The following MCM9 variants were observed in gnomAD, a reference collection of about 807,000 sequenced individuals.
MCM9 encodes minichromosome maintenance 9 homologous recombination repair factor, also known as DNA helicase MCM9.
In MCM9, 55 loss-of-function variants were observed where a neutral mutation model predicts 72.8. The observed-to-expected ratio is 0.76, with a 90% CI of 0.61 to 0.95. The LOEUF (loss-of-function observed/expected upper bound fraction) is 0.95. MCM9 is among the 40% of genes least tolerant of loss of function. The probability of loss-of-function intolerance (pLI) is 0.00; values close to 1 mark genes in which losing one functional copy is unlikely to be tolerated. For synonymous variants in MCM9, 480 were observed against 503.4 expected (o/e 0.95, Z 0.62); for missense variants, 1,279 against 1,377.0 (o/e 0.93, Z 1.13).
intron 5 of MCM9, 84 bp downstream of exon 5, chr6:118,921,921 T>G: frequency 1.0e-6 from 1 of 997,820 alleles, no homozygotes; most frequent in Non-Finnish European, 1.5e-6. Flanking sequence ...TTGCCAGTGA[T>G]CTTGGGAAAA....
At chr6:118,917,136 A>T (rs1781028141) in intron 6 of MCM9, among the ~76,000 whole-genome samples, 1 of 152,156 alleles carries the variant, frequency 6.6e-6, no homozygotes, top group East Asian at 1.9e-4. Context: ...TCTTTTTCCT[A>T]GTTATTCCCT....
intron 8 of MCM9, chr6:118,901,171 C>A: frequency 4.4e-6 from 1 of 227,554 alleles, no homozygotes. Context: ...GAATTTGGGG[C>A]TCTTCCTGTG....
rs1419125499 is a variant in MCM9, at chr6:118,910,070, T to C, written c.1150+1580A>G. On this transcript the variant is annotated intron_variant, in intron 8 of 13. Coordinates refer to ENST00000619706, the MANE Select transcript of MCM9 (RefSeq NM_017696.3). ...AAGCAGAGGTTGCAGTGAGCTGAGA[T>C]TGCATCACTGCACTCCAGCCTGGGC... 5.4e-5 allele frequency among the ~76,000 whole-genome samples: 8 copies of C among 147,710 alleles called. No individual in the cohort carries two copies. In the South Asian group the frequency reaches 6.4e-4, roughly 12 times the overall value.
At chr6:118,838,437 G>T (rs998485380) in intron 9 of MCM9, among the ~76,000 whole-genome samples, 1 of 151,798 alleles carries the variant, frequency 6.6e-6, no homozygotes, top group Non-Finnish European at 1.5e-5. Flanking sequence ...GGGACTACAG[G>T]CACCTGCCAC....
chr6:118,894,279 A>C, intron 8 of MCM9: 1 of 1,464,462 alleles, frequency 6.8e-7, no homozygotes, highest in Non-Finnish European at 9.0e-7. Flanking sequence ...AGAGGAAAAA[A>C]GTTTCTCAAG....
chr6:118,843,809 T>C (rs1775675231), intron 9 of MCM9, among the ~76,000 whole-genome samples: 1 of 148,336 alleles, frequency 6.7e-6, no homozygotes. Context: ...TAAAGGGAAA[T>C]GATAATTCAA....
intron 8 of MCM9, among the ~76,000 whole-genome samples, chr6:118,875,581 A>C (rs1044447117): frequency 1.1e-4 from 17 of 152,026 alleles, no homozygotes; most frequent in Admixed American, 3.3e-4. Flanking sequence ...GGCTGCAGTG[A>C]GCCATGTTCA....
chr6:118,890,191 C>T (rs539821694), intron 8 of MCM9, among the ~76,000 whole-genome samples: 1 of 152,134 alleles, frequency 6.6e-6, no homozygotes, highest in Non-Finnish European at 1.5e-5. Context: ...GTTCATTAAT[C>T]AAGTCATTAC....
At chr6:118,897,863 TA>T (rs1003920536) in intron 8 of MCM9, among the ~76,000 whole-genome samples, 1 of 151,312 alleles carries the variant, frequency 6.6e-6, no homozygotes, top group African/African-American at 2.4e-5. Flanking sequence ...TGCCAATGTA[TA>T]AAAGGGTATT....
intron 9 of MCM9, among the ~76,000 whole-genome samples, chr6:118,855,001 C>G (rs1351953134): frequency 6.6e-6 from 1 of 152,086 alleles, no homozygotes; most frequent in African/African-American, 2.4e-5. Flanking sequence ...AAAAATAAGT[C>G]AAAACCAGTC....
At chr6:118,907,441 A>G in intron 8 of MCM9, 1 of 1,610,954 alleles carries the variant, frequency 6.2e-7, no homozygotes, top group Non-Finnish European at 8.5e-7. Flanking sequence ...CAGGGTCACA[A>G]GATTCCACAT....
At chr6:118,910,000 C>T (rs1283784126) in intron 8 of MCM9, among the ~76,000 whole-genome samples, 1 of 151,166 alleles carries the variant, frequency 6.6e-6, no homozygotes, top group Non-Finnish European at 1.5e-5. Flanking sequence ...ATCTGTAATC[C>T]CAGTTACTCA....
chr6:118,825,534 C>G (rs569489229), intron 13 of MCM9, among the ~76,000 whole-genome samples: 3 of 152,262 alleles, frequency 2.0e-5, no homozygotes, highest in Admixed American at 2.0e-4. Context: ...CCAGTAAGAG[C>G]TGCAGGTCAA....
In MCM9 at chr6:118,815,384, G is replaced by A. The variant is rs536014377; in HGVS notation, c.2872C>T (p.Arg958Cys). 18 of 1,550,530 alleles carry A rather than the reference G, an allele frequency of 1.2e-5. No individual in the cohort carries two copies. In the South Asian group the frequency reaches 1.4e-4, roughly 12 times the overall value. The change falls in exon 14 of 14, where the codon CGT becomes TGT. Residue 958 changes from arginine (R) to cysteine (C), a missense_variant. Arg to Cys is a radical substitution (Grantham distance 180). Coordinates refer to ENST00000619706, the MANE Select transcript of MCM9 (RefSeq NM_017696.3). ...IAVHSPKISQ[R>C]RTRRDAALPV... ...AAGGCTGCGTCTCTTCTTGTTCTAC[G>A]CTGGGAAATTTTAGGACTATGAACT... is the stretch of plus-strand genomic sequence containing the variant.
chr6:118,865,351 T>C (rs908324574), intron 8 of MCM9, among the ~76,000 whole-genome samples: 1 of 152,172 alleles, frequency 6.6e-6, no homozygotes, highest in African/African-American at 2.4e-5. Flanking sequence ...CCAACTTTTA[T>C]AGCACCTCCC....
At chr6:118,882,998 T>C (rs1583531079) in intron 8 of MCM9, among the ~76,000 whole-genome samples, 1 of 144,088 alleles carries the variant, frequency 6.9e-6, no homozygotes, top group Middle Eastern at 3.6e-3. Flanking sequence ...AAGCTGCCTG[T>C]GAGAGGATCC....
intron 8 of MCM9, among the ~76,000 whole-genome samples, chr6:118,874,436 T>G (rs1777812585): frequency 6.6e-6 from 1 of 152,092 alleles, no homozygotes; most frequent in Non-Finnish European, 1.5e-5. Flanking sequence ...AGCAACTTCC[T>G]CAACTTTATA....
At chr6:118,873,761 T>C in intron 8 of MCM9, among the ~76,000 whole-genome samples, 1 of 152,222 alleles carries the variant, frequency 6.6e-6, no homozygotes. Flanking sequence ...GAGGGAATGA[T>C]TCCTAGCTCA....
chr6:118,923,735 C>T, intron 4 of MCM9, 76 bp downstream of exon 4: 3 of 1,280,730 alleles, frequency 2.3e-6, no homozygotes, highest in Non-Finnish European at 3.3e-6. Flanking sequence ...ATTCTGTGTT[C>T]CCTAATCCTC....
Sources: gnomAD v4.1 joint callset for allele counts (sites outside exome capture counted in the v4.1 genomes callset) on GRCh38, gnomAD v4.1.1 for gene constraint, MANE v1.5 for transcripts, NCBI Gene and HGNC (gene_info 2026-07-23, HGNC 2026-07-21) for gene names.